SCLT1: variants seen among roughly 807,000 people sequenced by gnomAD.
The protein encoded by SCLT1 is sodium channel-associated protein 1.
In SCLT1, 78 loss-of-function variants were observed where a neutral mutation model predicts 112.8. That is an observed-to-expected ratio of 0.69 (90% confidence interval 0.58 to 0.83). The LOEUF (loss-of-function observed/expected upper bound fraction) is 0.83. SCLT1 is among the 40% of genes least tolerant of loss of function. The pLI, the probability that SCLT1 is intolerant of heterozygous loss-of-function variation, is 0.00. For missense variants in SCLT1, 747 were observed against 770.4 expected, an observed-to-expected ratio of 0.97 and a Z score of 0.36; for synonymous variants, 257 against 254.7, an observed-to-expected ratio of 1.01 and a Z score of -0.09.
intron 2 of SCLT1, among the ~76,000 whole-genome samples, chr4:129,060,579 C>G (rs1279193208): frequency 6.6e-6 from 1 of 152,158 alleles, no homozygotes. Flanking sequence ...GTCCATGAGG[C>G]TTCTTCAGCT....
chr4:128,891,097 G>A lies in SCLT1; in HGVS notation c.1870C>T (p.Leu624Phe). 1 of 1,612,892 alleles carries A rather than the reference G, an allele frequency of 6.2e-7. No individual in the cohort carries two copies. Among genetic ancestry groups the A allele is most frequent in the South Asian group, 1.1e-5 (1 of 90,820 alleles). The stretch of plus-strand genomic sequence containing the variant: ...TCATTTGCCATTTCCAGCTGAGAAA[G>A]CAGCTCTTGGGTATGAAGTTTCTGT... ...SRQKLHTQEL[L>F]SQLEMANEKV... The change falls in exon 19 of 21, where the codon CTT becomes TTT. Residue 624 changes from leucine (L) to phenylalanine (F), a missense_variant. By Grantham distance (22) the Leu-to-Phe change is conservative (BLOSUM62 0). Transcript: ENST00000281142.
chr4:128,952,636 C>T (rs1339534604), intron 14 of SCLT1, 133 bp downstream of exon 14: 70 of 667,506 alleles, frequency 1.0e-4, no homozygotes, highest in Middle Eastern at 2.5e-4. Flanking sequence ...TCTGGATTTT[C>T]ACTTTTTTCT....
At chr4:129,010,750 A>T (rs1001679175) in intron 5 of SCLT1, among the ~76,000 whole-genome samples, 3 of 152,300 alleles carry the variant, frequency 2.0e-5, no homozygotes, top group Admixed American at 2.0e-4. Context: ...CAGGAGTGCT[A>T]GTAATTTTTA....
At chr4:129,039,949 T>A (rs954995685) in intron 4 of SCLT1, 5 of 466,672 alleles carry the variant, frequency 1.1e-5, no homozygotes, top group African/African-American at 6.0e-5. Context: ...TGAATTTACA[T>A]GTAAAAGCAT....
intron 2 of SCLT1, among the ~76,000 whole-genome samples, chr4:129,077,244 A>T (rs887626076): frequency 6.6e-6 from 1 of 152,172 alleles, no homozygotes. Flanking sequence ...TAGACAATCA[A>T]GTTTGAAGTT....
At chr4:128,905,555 A>G (rs1441623445) in intron 18 of SCLT1, among the ~76,000 whole-genome samples, 1 of 152,106 alleles carries the variant, frequency 6.6e-6, no homozygotes, top group African/African-American at 2.4e-5. Flanking sequence ...GTACTACTTA[A>G]ACATTCTACT....
intron 4 of SCLT1, chr4:129,039,366 T>C (rs1479854185): frequency 2.3e-5 from 7 of 301,862 alleles, no homozygotes; most frequent in Non-Finnish European, 4.3e-5. Context: ...CTATGACTTG[T>C]AGTTGTGAAA....
intron 5 of SCLT1, among the ~76,000 whole-genome samples, chr4:129,024,237 C>T (rs1350538828): frequency 6.6e-6 from 1 of 152,220 alleles, no homozygotes; most frequent in African/African-American, 2.4e-5. Flanking sequence ...AGACTGCCTC[C>T]TCAAGTGGGT....
chr4:128,880,781 C>T (rs1732622462), downstream of SCLT1, among the ~76,000 whole-genome samples: 2 of 152,152 alleles, frequency 1.3e-5, no homozygotes, highest in Admixed American at 1.3e-4. Context: ...CAATGAATCA[C>T]TAACTACAGT....
intron 18 of SCLT1, among the ~76,000 whole-genome samples, chr4:128,916,496 G>T (rs1006406538): frequency 6.6e-6 from 1 of 152,120 alleles, no homozygotes; most frequent in Non-Finnish European, 1.5e-5. Flanking sequence ...CTTTCTCTGA[G>T]TAGATTTACA....
chr4:129,030,728 G>C (rs2126143510), intron 5 of SCLT1, among the ~76,000 whole-genome samples: 1 of 152,122 alleles, frequency 6.6e-6, no homozygotes, highest in Middle Eastern at 3.4e-3. Context: ...ATACATTCCT[G>C]AACACATACA....
intron 14 of SCLT1, among the ~76,000 whole-genome samples, chr4:128,949,390 T>C (rs1156936482): frequency 2.6e-5 from 4 of 152,026 alleles, no homozygotes; most frequent in African/African-American, 9.7e-5. Flanking sequence ...TTTTTTTTAA[T>C]TGTTATACTT....
chr4:128,967,185 A>T (rs1740278350), intron 10 of SCLT1, among the ~76,000 whole-genome samples: 2 of 152,124 alleles, frequency 1.3e-5, no homozygotes, highest in African/African-American at 4.8e-5. Flanking sequence ...AAAGGACATG[A>T]TTTCATTCTT....
In SCLT1 at chr4:128,999,687, T is replaced by TTC; in HGVS notation, c.532_533dup (p.Ser179LysfsTer15). 6.3e-7 allele frequency: 1 copy of TTC among 1,599,430 alleles called. No individual in the cohort carries two copies. The highest frequency in any genetic ancestry group is 8.5e-7 in the Non-Finnish European group (1 of 1,171,692). On this transcript the variant is annotated frameshift_variant, in exon 7 of 21. Transcript: ENST00000281142. LOFTEE classifies it high-confidence loss of function. ...CCAAGATTACCTTTTGTTTTTGACT[T>TTC]TCAAATACATGAATCTGGGCCTCAG...
rs113534939 is a variant in SCLT1, at chr4:129,072,252, C to T, written c.102+10054G>A. ...CAGGTCTTAAGATTTTTTGCTTCAT[C>T]TTAACTTTGGATAACCTGATGACAA... On this transcript the variant is annotated intron_variant, in intron 2 of 20. Coordinates refer to ENST00000281142, the MANE Select transcript of SCLT1 (RefSeq NM_144643.4). 2.8e-4 allele frequency among the ~76,000 whole-genome samples: 42 copies of T among 152,262 alleles called. 1 individual carries two copies. Among genetic ancestry groups the T allele is most frequent in the African/African-American group, 9.4e-4 (39 of 41,564 alleles).
At chr4:129,077,757 C>T (rs1037386001) in intron 2 of SCLT1, among the ~76,000 whole-genome samples, 1 of 152,142 alleles carries the variant, frequency 6.6e-6, no homozygotes, top group African/African-American at 2.4e-5. Context: ...TGGTTTCCTT[C>T]TTCCTTTACT....
intron 18 of SCLT1, among the ~76,000 whole-genome samples, chr4:128,911,474 A>G: frequency 6.6e-6 from 1 of 152,208 alleles, no homozygotes; most frequent in Non-Finnish European, 1.5e-5. Context: ...AGGAATTAAT[A>G]AGATATTACA....
At chr4:129,057,467 T>G (rs1385682571) in intron 2 of SCLT1, among the ~76,000 whole-genome samples, 13 of 150,170 alleles carry the variant, frequency 8.7e-5, no homozygotes. Context: ...ACTACAGGCG[T>G]GCGCCATCAT....
At chr4:129,005,553 T>C (rs1408185896) in intron 5 of SCLT1, among the ~76,000 whole-genome samples, 3 of 152,258 alleles carry the variant, frequency 2.0e-5, no homozygotes, top group Admixed American at 2.0e-4. Context: ...TAGGAACACC[T>C]TTACACTGTT....
Sources: gnomAD v4.1 joint callset for allele counts (sites outside exome capture counted in the v4.1 genomes callset) on GRCh38, gnomAD v4.1.1 for gene constraint, MANE v1.5 for transcripts, NCBI Gene and HGNC (gene_info 2026-07-23, HGNC 2026-07-21) for gene names.